Variants in SEC63 observed in about 807,000 individuals in gnomAD.
SEC63 encodes SEC63 protein translocation regulator.
SEC63 carries 56 observed loss-of-function variants against 116.2 expected under a neutral mutation model. The observed-to-expected ratio is 0.48, with a 90% CI of 0.39 to 0.60. The LOEUF (loss-of-function observed/expected upper bound fraction) is 0.60, where lower values mean the gene tolerates loss of function less well. Among genes scored for constraint, SEC63 ranks in the 20% least tolerant of loss-of-function variants. The pLI, the probability that SEC63 is intolerant of heterozygous loss-of-function variation, is 0.00. For missense variants in SEC63, 668 were observed against 900.0 expected, an observed-to-expected ratio of 0.74 and a Z score of 3.30; for synonymous variants, 273 against 294.6, an observed-to-expected ratio of 0.93 and a Z score of 0.75.
intron 1 of SEC63, among the ~76,000 whole-genome samples, chr6:107,953,941 C>T (rs181924110): frequency 0.043 from 6,473 of 152,074 alleles, 408 homozygotes; most frequent in African/African-American, 0.15. Context: ...CCCCTCTGCC[C>T]GGCCACCACC....
At chr6:107,886,629 A>G (rs924760019) in intron 16 of SEC63, among the ~76,000 whole-genome samples, 2 of 152,060 alleles carry the variant, frequency 1.3e-5, no homozygotes, top group Non-Finnish European at 2.9e-5. Flanking sequence ...TTTTCTTCAT[A>G]TGTTTGTTGG....
At chr6:107,929,293 C>T (rs1163493203) in intron 2 of SEC63, 122 bp downstream of exon 2, 6 of 633,600 alleles carry the variant, frequency 9.5e-6, no homozygotes, top group Non-Finnish European at 1.7e-5. Flanking sequence ...CTATCTTACC[C>T]TTACTATAGA....
At chr6:107,907,622 A>G (rs1277159408) in intron 8 of SEC63, among the ~76,000 whole-genome samples, 1 of 152,162 alleles carries the variant, frequency 6.6e-6, no homozygotes, top group Non-Finnish European at 1.5e-5. Flanking sequence ...AAAAGGCAGG[A>G]TAGTATAGAA....
At position 107,902,864 on chromosome 6, in the gene SEC63, G is replaced by T. The variant is rs774367627; in HGVS notation, c.1189C>A (p.Arg397=). ...ATTACCTTCTTATGATTAGAAACCC[G>T]TCTAAGATTGTCCTCTTCAATATGA... ...LPHIEEDNLR[R]VSNHKKYKIK... is the part of the protein sequence containing the mutation. Residue 397 remains arginine (R), a synonymous_variant, in exon 12 of 21, where the codon CGG becomes AGG. Coordinates refer to ENST00000369002, the MANE Select transcript of SEC63 (RefSeq NM_007214.5). 1 of 1,613,822 alleles carries T rather than the reference G, an allele frequency of 6.2e-7. No individual in the cohort carries two copies. The highest frequency in any genetic ancestry group is 2.2e-5 in the East Asian group (1 of 44,858).
intron 7 of SEC63, among the ~76,000 whole-genome samples, chr6:107,909,509 G>A (rs548116809): frequency 1.3e-5 from 2 of 152,098 alleles, no homozygotes; most frequent in African/African-American, 4.8e-5. Flanking sequence ...CCTCTTTCTT[G>A]CATATTTCAA....
chr6:107,906,730 T>C lies in SEC63; in HGVS notation c.781A>G (p.Asn261Asp). 1 of 1,614,032 alleles carries C rather than the reference T, an allele frequency of 6.2e-7. No individual in the cohort carries two copies. The highest frequency in any genetic ancestry group is 2.2e-5 in the East Asian group (1 of 44,850). The change falls in exon 9 of 21, where the codon AAT becomes GAT. Residue 261 changes from asparagine to aspartate, a missense_variant. This residue lies in a region of SEC63 where 430 missense variants were observed against 557.5 expected (regional missense o/e 0.77). Transcript: ENST00000369002. ...AGASEFDPQY[N>D]KDATSRPTDN... is the part of the protein sequence containing the mutation. The stretch of plus-strand genomic sequence containing the variant: ...GTTGGTCTGCTTGTGGCATCTTTAT[T>C]ATACTGAGGATCAAATTCAGAAGCT...
At chr6:107,876,330 A>G (rs939459353) in intron 19 of SEC63, among the ~76,000 whole-genome samples, 1 of 152,216 alleles carries the variant, frequency 6.6e-6, no homozygotes, top group Non-Finnish European at 1.5e-5. Context: ...GAAAACTCCC[A>G]AAACAAGCTG....
chr6:107,907,475 G>A (rs1366781011), intron 8 of SEC63, among the ~76,000 whole-genome samples: 6 of 152,124 alleles, frequency 3.9e-5, no homozygotes, highest in Non-Finnish European at 7.3e-5. Context: ...CCAGCTACTC[G>A]GGAGGCTGAG....
At chr6:107,882,593 A>T (rs2114405900) in intron 17 of SEC63, among the ~76,000 whole-genome samples, 1 of 152,304 alleles carries the variant, frequency 6.6e-6, no homozygotes, top group Admixed American at 6.5e-5. Context: ...CTCTACAGTA[A>T]ACATGAACTG....
At chr6:107,911,495 A>C in intron 6 of SEC63, 99 bp from the exon 7 acceptor site, 1 of 793,186 alleles carries the variant, frequency 1.3e-6, no homozygotes, top group Non-Finnish European at 2.2e-6. Flanking sequence ...GCCACTATTA[A>C]AAGGATTCCT....
chr6:107,902,579 CATAAT>C (rs1396173699), intron 12 of SEC63, among the ~76,000 whole-genome samples: 4 of 152,002 alleles, frequency 2.6e-5, no homozygotes, highest in Non-Finnish European at 4.4e-5. Flanking sequence ...TTTTTGGTAA[CATAAT>C]ATAAGGAACT....
intron 16 of SEC63, among the ~76,000 whole-genome samples, chr6:107,892,563 G>C (rs963106391): frequency 6.6e-6 from 1 of 152,046 alleles, no homozygotes; most frequent in Non-Finnish European, 1.5e-5. Flanking sequence ...GAAAAAAAGA[G>C]ACTAATGAAA....
chr6:107,892,430 A>G (rs1469773367), intron 16 of SEC63, among the ~76,000 whole-genome samples: 1 of 152,220 alleles, frequency 6.6e-6, no homozygotes, highest in Non-Finnish European at 1.5e-5. Flanking sequence ...AGGTTTATCA[A>G]CTACGGTAAT....
intron 16 of SEC63, among the ~76,000 whole-genome samples, chr6:107,889,241 G>C (rs6931221): frequency 0.72 from 109,569 of 151,686 alleles, 42,647 homozygotes; most frequent in South Asian, 0.9. Context: ...TTGGTTGGTA[G>C]GGTATTAATT....
chr6:107,913,194 C>T (rs1202631673), intron 5 of SEC63, among the ~76,000 whole-genome samples, 172 bp downstream of exon 5: 2 of 152,020 alleles, frequency 1.3e-5, no homozygotes, highest in East Asian at 1.9e-4. Flanking sequence ...ATCTTTCAAA[C>T]TAGTCTTTAG....
intron 1 of SEC63, among the ~76,000 whole-genome samples, chr6:107,944,030 G>A (rs758689584): frequency 5.9e-5 from 9 of 152,190 alleles, no homozygotes; most frequent in Non-Finnish European, 1.3e-4. Context: ...CCAGGACAGT[G>A]GTGTTGGTGG....
intron 1 of SEC63, among the ~76,000 whole-genome samples, chr6:107,934,072 A>G (rs2114495030): frequency 6.6e-6 from 1 of 152,132 alleles, no homozygotes; most frequent in Non-Finnish European, 1.5e-5. Context: ...GGCTCGCTAC[A>G]ACCTCCACCT....
In SEC63 at chr6:107,870,520, A is replaced by G. The variant is rs962128135; in HGVS notation, c.*1184T>C. The G allele has an allele frequency of 6.6e-6, 1 of 152,478 alleles. No individual in the cohort carries two copies. The highest frequency in any genetic ancestry group is 1.5e-5 in the Non-Finnish European group (1 of 68,026). 9.4% of individuals were successfully genotyped at this position (152,478 alleles called of 1,614,324 possible). A position where few individuals can be genotyped will look rare whatever the true frequency, so the allele number is the denominator to read the frequency against. On this transcript the variant is annotated 3_prime_UTR_variant, in exon 21 of 21. Transcript: ENST00000369002. ...ACTTATGTTTCCTCCATATCTAGGA[A>G]TAAAAATATCCACCCTCCCTCAATG...
chr6:107,893,716 G>A, intron 15 of SEC63, 61 bp from the exon 16 acceptor site: 1 of 1,603,862 alleles, frequency 6.2e-7, no homozygotes. Flanking sequence ...GAAGGTTGTA[G>A]TAATTTTTAG....
Sources: gnomAD v4.1 joint callset for allele counts (sites outside exome capture counted in the v4.1 genomes callset) on GRCh38, gnomAD v4.1.1 for gene constraint, gnomAD v4.1.1 regional missense constraint, MANE v1.5 for transcripts, NCBI Gene and HGNC (gene_info 2026-07-23, HGNC 2026-07-21) for gene names.